Variants in MTR observed in about 807,000 individuals in gnomAD.
MTR encodes 5-methyltetrahydrofolate-homocysteine methyltransferase.
Under a neutral mutation model 154.8 loss-of-function variants are expected in MTR, and 84 were observed. That is an observed-to-expected ratio of 0.54 (90% CI 0.45 to 0.65). The LOEUF (loss-of-function observed/expected upper bound fraction) is 0.65, where lower values mean the gene tolerates loss of function less well. Ranked by LOEUF, MTR falls within the 30% of genes least tolerant of loss-of-function variation. The pLI is 0.00. For synonymous variants in MTR, 554 were observed against 553.9 expected, an observed-to-expected ratio of 1.00 and a Z score of 0.00; for missense variants, 1,275 against 1,570.2, an observed-to-expected ratio of 0.81 and a Z score of 3.18.
In MTR at chr1:236,877,074, G is replaced by A. The variant is rs192063402; in HGVS notation, c.2594+2228G>A. Among the ~76,000 whole-genome samples, 605 of 152,252 alleles carry A rather than the reference G, an allele frequency of 4.0e-3. 4 individuals carry two copies. The highest frequency in any genetic ancestry group is 0.013 in the African/African-American group (546 of 41,558). The stretch of plus-strand genomic sequence containing the variant: ...GAGCTAGTAGGTAGCACTGCTTCCC[G>A]GGAACCATTCCCTTCTACACTGTGG... On this transcript the variant is annotated intron_variant, in intron 24 of 32. Coordinates refer to ENST00000366577, the MANE Select transcript of MTR (RefSeq NM_000254.3).
rs1305237081 is a variant in MTR at position 236,901,721 on chromosome 1, G to C, written c.*4077G>C. ...CTCATGTTCTCACAGTGGGTGGAGG[G>C]TAAGCTTGCTCTCTGGCCTCCTCTT... is the stretch of plus-strand genomic sequence containing the variant. On this transcript the variant is annotated 3_prime_UTR_variant, in exon 33 of 33. Transcript: ENST00000366577. The C allele has an allele frequency of 1.3e-5, 2 of 152,172 alleles. No individual in the cohort carries two copies. Among genetic ancestry groups the C allele is most frequent in the African/African-American group, 4.8e-5 (2 of 41,402 alleles). The allele number at this position is 152,172 out of a possible 1,614,324, so 9.4% of individuals were successfully genotyped here. A position where few individuals can be genotyped will look rare whatever the true frequency, so the allele number is the denominator to read the frequency against.
Position 236,901,155 on chromosome 1 carries a change from C to T in MTR, c.*3511C>T, listed in dbSNP as rs547681069. 5 of 152,698 alleles carry T rather than the reference C, an allele frequency of 3.3e-5. No homozygotes were observed. Among genetic ancestry groups the T allele is most frequent in the East Asian group, 1.9e-4 (1 of 5,172 alleles). 9.5% of individuals were successfully genotyped at this position (152,698 alleles called of 1,614,324 possible). ...GCCGAGAAAGCAATGAAGAGCGTTT[C>T]GAAGCATGCCAGCAGAACCCAATGC... On this transcript the variant is annotated 3_prime_UTR_variant, in exon 33 of 33. Transcript: ENST00000366577.
At chr1:236,856,482 T>G (rs577269057) in intron 18 of MTR, among the ~76,000 whole-genome samples, 230 of 152,074 alleles carry the variant, frequency 1.5e-3, no homozygotes, top group African/African-American at 5.4e-3. Flanking sequence ...TCTTTCTTTT[T>G]TTCTTTCTTC....
intron 27 of MTR, among the ~76,000 whole-genome samples, 163 bp from the exon 28 acceptor site, chr1:236,889,015 CCTT>C (rs748319622): frequency 2.0e-5 from 3 of 152,196 alleles, no homozygotes; most frequent in Non-Finnish European, 4.4e-5. Context: ...CAGAATTACT[CCTT>C]CTCCACGATA....
At chr1:236,811,062 T>TA (rs1019368046) in intron 5 of MTR, among the ~76,000 whole-genome samples, 1 of 152,174 alleles carries the variant, frequency 6.6e-6, no homozygotes, top group Non-Finnish European at 1.5e-5. Flanking sequence ...TTAATGGACT[T>TA]ACAGTTCCAT....
At chr1:236,830,407 A>G (rs909693879) in intron 12 of MTR, among the ~76,000 whole-genome samples, 6 of 152,328 alleles carry the variant, frequency 3.9e-5, no homozygotes, top group Admixed American at 2.0e-4. Context: ...AGCCATTTAC[A>G]TAAGATTAAA....
intron 18 of MTR, among the ~76,000 whole-genome samples, chr1:236,856,797 CTGTGT>C (rs1664233513): frequency 3.3e-5 from 5 of 152,036 alleles, no homozygotes; most frequent in Non-Finnish European, 7.4e-5. Flanking sequence ...TTTTCTGTTC[CTGTGT>C]TAGTTTGTTG....
At chr1:236,859,004 T>C (rs1258086629) in intron 18 of MTR, among the ~76,000 whole-genome samples, 1 of 152,256 alleles carries the variant, frequency 6.6e-6, no homozygotes, top group Non-Finnish European at 1.5e-5. Flanking sequence ...CCTTGACATA[T>C]ACTCCCTTTC....
chr1:236,857,987 G>T (rs567200921), intron 18 of MTR, among the ~76,000 whole-genome samples: 1 of 152,328 alleles, frequency 6.6e-6, no homozygotes, highest in African/African-American at 2.4e-5. Context: ...CTGCATAAAT[G>T]TATGTCAGAT....
chr1:236,861,091 C>CTTTTTTTTTTT, intron 19 of MTR, 34 bp from the exon 20 acceptor site: 1 of 1,415,820 alleles, frequency 7.1e-7, no homozygotes, highest in Non-Finnish European at 9.4e-7. Context: ...TTCTTTCTTT[C>CTTTTTTTTTTT]TTTTTCTTTT....
intron 15 of MTR, among the ~76,000 whole-genome samples, chr1:236,844,453 CGTGTGTGTGTGT>C (rs58179715): frequency 0.042 from 6,054 of 145,412 alleles, 201 homozygotes; most frequent in Middle Eastern, 0.1. Flanking sequence ...TCAGAAAGGG[CGTGTGTGTGTGT>C]GTGTGTGTGT....
intron 30 of MTR, 171 bp downstream of exon 30, chr1:236,894,728 C>T: frequency 1.5e-6 from 1 of 661,488 alleles, no homozygotes; most frequent in South Asian, 2.0e-5. Context: ...ATTATGTATC[C>T]CCAGATTGCT....
At chr1:236,809,080 CTT>C (rs2103034240) in intron 4 of MTR, among the ~76,000 whole-genome samples, 1 of 152,316 alleles carries the variant, frequency 6.6e-6, no homozygotes, top group South Asian at 2.1e-4. Context: ...ATTTATGTCT[CTT>C]TGGAAGCACA....
rs1425808699 is a variant in MTR, at chr1:236,822,155, A to T, written c.765-1964A>T. On this transcript the variant is annotated intron_variant, in intron 8 of 32. Coordinates refer to ENST00000366577, the MANE Select transcript of MTR (RefSeq NM_000254.3). ...GATCAAGGGTGAGAAATGATATCTTAACAATATTGTCTTCCTCTTCATAAA... is the reference window on the plus strand; with the variant it reads ...GATCAAGGGTGAGAAATGATATCTTTACAATATTGTCTTCCTCTTCATAAA... 2.6e-5 allele frequency among the ~76,000 whole-genome samples: 4 copies of T among 152,190 alleles called. No individual in the cohort carries two copies. In the East Asian group the frequency reaches 7.7e-4, roughly 29 times the overall value.
intron 22 of MTR, among the ~76,000 whole-genome samples, chr1:236,867,484 T>C (rs565695797): frequency 6.6e-6 from 1 of 152,340 alleles, no homozygotes; most frequent in African/African-American, 2.4e-5. Context: ...GAATATTGTT[T>C]TCATGCCTGC....
At position 236,895,541 on chromosome 1, in the gene MTR, C is replaced by T. The variant is rs1473549747; in HGVS notation, c.3589C>T (p.Gln1197Ter). 6.4e-7 allele frequency: 1 copy of T among 1,571,994 alleles called. No individual in the cohort carries two copies. The highest frequency in any genetic ancestry group is 8.6e-7 in the Non-Finnish European group (1 of 1,157,440). Residue 1197 changes from glutamine (Q) to a stop codon, truncating the protein, a stop_gained, in exon 31 of 33, where the codon CAG becomes TAG. Transcript: ENST00000366577. LOFTEE classifies it high-confidence loss of function. ...LTMWRLADIE[Q>*]STGIRLTESL... Reference sequence around the variant, plus strand: ...CATGTGGAGACTCGCAGACATCGAGCAGTCTACAGGTAGGAGCCAGGAGGC... The same window carrying T: ...CATGTGGAGACTCGCAGACATCGAGTAGTCTACAGGTAGGAGCCAGGAGGC...
intron 18 of MTR, 86 bp downstream of exon 18, chr1:236,853,174 A>G: frequency 2.1e-6 from 3 of 1,396,306 alleles, no homozygotes; most frequent in Non-Finnish European, 3.0e-6. Flanking sequence ...TCATGGTGGA[A>G]TAGAAGCAAA....
At chr1:236,823,064 C>A (rs572775777) in intron 8 of MTR, among the ~76,000 whole-genome samples, 97 of 152,056 alleles carry the variant, frequency 6.4e-4, no homozygotes, top group Admixed American at 6.0e-3. Context: ...GTTAAATAAA[C>A]TTAATTTTGG....
At chr1:236,797,333 T>C (rs1660450905) in intron 1 of MTR, among the ~76,000 whole-genome samples, 1 of 152,190 alleles carries the variant, frequency 6.6e-6, no homozygotes, top group Admixed American at 6.5e-5. Flanking sequence ...GGTTGGGCCT[T>C]AAAACTAAAT....
Sources: gnomAD v4.1 joint callset for allele counts (sites outside exome capture counted in the v4.1 genomes callset) on GRCh38, gnomAD v4.1.1 for gene constraint, MANE v1.5 for transcripts, NCBI Gene and HGNC (gene_info 2026-07-23, HGNC 2026-07-21) for gene names.